The following CMTR1 variants were observed in gnomAD, a reference collection of about 807,000 sequenced individuals.
The protein encoded by CMTR1 is cap-specific mRNA (nucleoside-2'-O-)-methyltransferase 1.
In CMTR1, 39 loss-of-function variants were observed where a neutral mutation model predicts 107.0. That is an observed-to-expected ratio of 0.36 (90% confidence interval 0.28 to 0.48). The LOEUF is 0.48. Among genes scored for constraint, CMTR1 ranks in the 20% least tolerant of loss-of-function variants. The probability of loss-of-function intolerance (pLI) is 0.99; values close to 1 mark genes in which losing one functional copy is unlikely to be tolerated. For missense variants in CMTR1, 672 were observed against 1,064.9 expected, an observed-to-expected ratio of 0.63 and a Z score of 5.14; for synonymous variants, 366 against 379.5, an observed-to-expected ratio of 0.96 and a Z score of 0.41.
chr6:37,463,043 G>A, intron 13 of CMTR1, 35 bp downstream of exon 13: 1 of 1,598,424 alleles, frequency 6.3e-7, no homozygotes, highest in East Asian at 2.2e-5. Flanking sequence ...TGGTAACACT[G>A]AGGTCCTAAG....
Position 37,479,208 on chromosome 6 carries a change from C to T in CMTR1, c.2328C>T (p.Thr776=). 6.2e-7 allele frequency: 1 copy of T among 1,614,122 alleles called. No individual in the cohort carries two copies. ...FKKKFFYNKK[T]KDSTFDLPAD... The stretch of plus-strand genomic sequence containing the variant: ...AGAAGTTCTTCTACAACAAGAAAAC[C>T]AAGGACTCTACTTTTGACCTCCCTG... The change falls in exon 23 of 24, where the codon ACC becomes ACT. Residue 776 remains threonine, a synonymous_variant. Transcript: ENST00000373451.
Position 37,480,552 on chromosome 6 carries a change from G to C in CMTR1, c.*407G>C. On this transcript the variant is annotated 3_prime_UTR_variant, in exon 24 of 24. Transcript: ENST00000373451. The stretch of plus-strand genomic sequence containing the variant: ...CTGCCCTGAGGGTAGCCATGCCCTT[G>C]CTTTGCCCAACTTTTTATTGGGCCA... 1 of 1,045,996 alleles carries C rather than the reference G, an allele frequency of 9.6e-7. No individual in the cohort carries two copies. The highest frequency in any genetic ancestry group is 1.1e-6 in the Non-Finnish European group (1 of 869,914). The allele number at this position is 1,045,996 out of a possible 1,614,324, so 64.8% of individuals were successfully genotyped here.
At chr6:37,449,933 A>G (rs1005834877) in intron 4 of CMTR1, among the ~76,000 whole-genome samples, 7 of 152,206 alleles carry the variant, frequency 4.6e-5, no homozygotes, top group African/African-American at 1.4e-4. Context: ...GCCAAGGGCC[A>G]TGTCTTATTT....
At chr6:37,426,615 CCT>C in the CMTR1 span, among the ~76,000 whole-genome samples, 1 of 151,898 alleles carries the variant, frequency 6.6e-6, no homozygotes, top group East Asian at 1.9e-4. Flanking sequence ...CTCACTGCAA[CCT>C]CTGTCTCCCA....
Position 37,481,278 on chromosome 6 carries a change from G to A in CMTR1, c.*1133G>A. 1 of 1,256,446 alleles carries A rather than the reference G, an allele frequency of 8.0e-7. No individual in the cohort carries two copies. Among genetic ancestry groups the A allele is most frequent in the Non-Finnish European group, 1.0e-6 (1 of 971,142 alleles). The allele number at this position is 1,256,446 out of a possible 1,614,324, so 77.8% of individuals were successfully genotyped here. A position where few individuals can be genotyped will look rare whatever the true frequency, so the allele number is the denominator to read the frequency against. On this transcript the variant is annotated 3_prime_UTR_variant, in exon 24 of 24. Transcript: ENST00000373451. ...GGAAATACCTCTCAGAGATGTTCATGCAGGCTCCCTAGGGCCCCATCCCAG... is the reference window on the plus strand; with the variant it reads ...GGAAATACCTCTCAGAGATGTTCATACAGGCTCCCTAGGGCCCCATCCCAG...
chr6:37,450,159 C>A, intron 4 of CMTR1, 92 bp from the exon 5 acceptor site: 1 of 1,083,340 alleles, frequency 9.2e-7, no homozygotes, highest in Non-Finnish European at 1.4e-6. Flanking sequence ...TGTCTCAGTC[C>A]CTTTTGATTG....
At chr6:37,440,469 C>CTA (rs1771648089) in intron 2 of CMTR1, among the ~76,000 whole-genome samples, 1 of 152,106 alleles carries the variant, frequency 6.6e-6, no homozygotes, top group African/African-American at 2.4e-5. Flanking sequence ...GCATGTCAAG[C>CTA]TAAGAAGTGG....
At chr6:37,430,415 T>C (rs1169354404), upstream of CMTR1, among the ~76,000 whole-genome samples, 1 of 151,780 alleles carries the variant, frequency 6.6e-6, no homozygotes, top group African/African-American at 2.4e-5. Context: ...TGTGTGTATA[T>C]ATATATATAA....
chr6:37,477,611 C>A lies in CMTR1; in HGVS notation c.2125C>A (p.Leu709Met). 1.9e-6 allele frequency: 3 copies of A among 1,613,384 alleles called. No homozygotes were observed. Among genetic ancestry groups the A allele is most frequent in the Non-Finnish European group, 2.5e-6 (3 of 1,179,506 alleles). The part of the protein sequence containing the change: ...NPIRVKEVYR[L>M]EEMEKIFVRL... The stretch of plus-strand genomic sequence containing the variant: ...CTGCAGGGTGAAGGAGGTGTACAGA[C>A]TGGAAGAGATGGAGAAGATTTTTGT... The change falls in exon 21 of 24, where the codon CTG becomes ATG. Residue 709 changes from leucine to methionine, a missense_variant. Coordinates refer to ENST00000373451, the MANE Select transcript of CMTR1 (RefSeq NM_015050.3).
In CMTR1 at chr6:37,473,514, C is replaced by G; in HGVS notation, c.1734C>G (p.Thr578=). The G allele has an allele frequency of 6.2e-7, 1 of 1,614,134 alleles. No individual in the cohort carries two copies. Among genetic ancestry groups the G allele is most frequent in the South Asian group, 1.1e-5 (1 of 91,076 alleles). The change falls in exon 17 of 24, where the codon ACC becomes ACG. Residue 578 remains threonine (T), a synonymous_variant. Coordinates refer to ENST00000373451, the MANE Select transcript of CMTR1 (RefSeq NM_015050.3). ...DIFSYKPTLL[T]SKTLEKIRPV... ...TCAGCTACAAGCCCACACTGCTCACCTCTAAAACCCTGGAGAAGATCCGCC... is the reference window on the plus strand; with the variant it reads ...TCAGCTACAAGCCCACACTGCTCACGTCTAAAACCCTGGAGAAGATCCGCC...
intron 12 of CMTR1, 126 bp from the exon 13 acceptor site, chr6:37,462,703 T>C: frequency 1.2e-6 from 1 of 813,766 alleles, no homozygotes; most frequent in Non-Finnish European, 2.0e-6. Flanking sequence ...GTGTTGTTCT[T>C]TGTGCGTAGG....
At chr6:37,452,114 G>A (rs955755456) in intron 6 of CMTR1, among the ~76,000 whole-genome samples, 1 of 152,192 alleles carries the variant, frequency 6.6e-6, no homozygotes, top group Admixed American at 6.5e-5. Context: ...CCTAATCTCA[G>A]TGGGTCTGTT....
chr6:37,458,692 T>C lies in CMTR1; in HGVS notation c.858T>C (p.Tyr286=), dbSNP rs781583667. The C allele has an allele frequency of 1.3e-5, 21 of 1,614,022 alleles. No homozygotes were observed. The African/African-American group carries it at 2.5e-4, about 19-fold the overall frequency. ...VCAGPGGFSE[Y]VLWRKKWHAK... is the part of the protein sequence containing the mutation. ...CAGGCCCAGGTGGCTTCTCAGAGTA[T>C]GTGCTGTGGAGGAAGAAGTGGCATG... Residue 286 remains tyrosine (Y), a synonymous_variant, in exon 9 of 24, where the codon TAT becomes TAC. Transcript: ENST00000373451. The surrounding 1 kb of genome is among the most constrained non-coding windows in gnomAD (Gnocchi z 4.7).
intron 21 of CMTR1, 102 bp downstream of exon 21, chr6:37,477,741 G>GC: frequency 2.4e-6 from 1 of 421,202 alleles, no homozygotes; most frequent in East Asian, 6.8e-5. Context: ...GGGGCGGGGG[G>GC]TGGTGAGCTG....
chr6:37,469,438 A>T, intron 13 of CMTR1, among the ~76,000 whole-genome samples: 1 of 147,322 alleles, frequency 6.8e-6, no homozygotes, highest in East Asian at 2.0e-4. Flanking sequence ...CTTGGGGTTC[A>T]TTGACCTTGG....
At chr6:37,465,545 T>TA (rs917451125) in intron 13 of CMTR1, among the ~76,000 whole-genome samples, 9 of 152,218 alleles carry the variant, frequency 5.9e-5, no homozygotes, top group East Asian at 1.9e-4. Context: ...TTTGAACATT[T>TA]AAAAAAATTG....
chr6:37,424,438 C>T, the CMTR1 span, among the ~76,000 whole-genome samples: 29 of 151,328 alleles, frequency 1.9e-4, no homozygotes, highest in South Asian at 1.0e-3. Context: ...TTAGTAGAGA[C>T]GGGTTTCGCC....
chr6:37,479,405 G>A (rs986538494), intron 23 of CMTR1, 150 bp downstream of exon 23: 9 of 643,730 alleles, frequency 1.4e-5, no homozygotes, highest in Non-Finnish European at 2.5e-5. Context: ...ATACTTGTGG[G>A]GATGGCAGCC....
chr6:37,445,445 G>C (rs1365508494), intron 3 of CMTR1, among the ~76,000 whole-genome samples: 1 of 140,690 alleles, frequency 7.1e-6, no homozygotes, highest in Admixed American at 7.0e-5. Flanking sequence ...TTAAAAAACT[G>C]TTTCTGTCCC....
Sources: allele counts gnomAD v4.1 joint callset (sites outside exome capture counted in the v4.1 genomes callset), GRCh38; gene constraint gnomAD v4.1.1; non-coding constraint Gnocchi (gnomAD v3.1); transcripts MANE v1.5; gene names NCBI Gene and HGNC (gene_info 2026-07-23, HGNC 2026-07-21).